OSMR: variants seen among roughly 807,000 people sequenced by gnomAD.
The protein encoded by OSMR is oncostatin M receptor, also known as oncostatin-M-specific receptor subunit beta.
OSMR carries 81 observed loss-of-function variants against 99.9 expected under a neutral mutation model. The observed-to-expected ratio is 0.81, with a 90% confidence interval of 0.68 to 0.97. OSMR has a LOEUF of 0.97. Among genes scored for constraint, OSMR ranks in the 50% least tolerant of loss-of-function variants. OSMR has a pLI of 0.00. For missense variants in OSMR, 1,099 were observed against 1,153.4 expected (o/e 0.95, Z 0.68); for synonymous variants, 406 against 410.4 (o/e 0.99, Z 0.13).
In OSMR at chr5:38,933,342, A is replaced by C; in HGVS notation, c.2838A>C (p.Lys946Asn). ...PVEAPHCSEY[K>N]MQMAVSLRLA... Reference sequence around the variant, plus strand: ...AGGCACCACACTGTTCAGAGTATAAAATGCAAATGGCAGTCTCCCTGCGTC... The same window carrying C: ...AGGCACCACACTGTTCAGAGTATAACATGCAAATGGCAGTCTCCCTGCGTC... Residue 946 changes from lysine to asparagine, a missense_variant, in exon 18 of 18, where the codon AAA becomes AAC. Lys to Asn is a moderately conservative substitution (Grantham distance 94, BLOSUM62 0). Transcript: ENST00000274276. 1.2e-6 allele frequency: 2 copies of C among 1,614,120 alleles called. No homozygotes were observed. Among genetic ancestry groups the C allele is most frequent in the Non-Finnish European group, 1.7e-6 (2 of 1,180,002 alleles).
At chr5:38,857,678 T>A (rs1175230523) in intron 1 of OSMR, among the ~76,000 whole-genome samples, 1 of 152,160 alleles carries the variant, frequency 6.6e-6, no homozygotes, top group Non-Finnish European at 1.5e-5. Flanking sequence ...TATTTTTATT[T>A]TTTTCTTGAG....
In OSMR at chr5:38,933,519, G is replaced by C; in HGVS notation, c.*75G>C. The C allele has an allele frequency of 6.5e-7, 1 of 1,532,868 alleles. No homozygotes were observed. The highest frequency in any genetic ancestry group is 1.1e-5 in the South Asian group (1 of 89,126). The allele number at this position is 1,532,868 out of a possible 1,614,324, so 95.0% of individuals were successfully genotyped here. ...GAGCTGGCACCCTGTCATCACCAGTGGCCTTGGTCCTTAATCCCAGTACGA... is the reference window on the plus strand; with the variant it reads ...GAGCTGGCACCCTGTCATCACCAGTCGCCTTGGTCCTTAATCCCAGTACGA... On this transcript the variant is annotated 3_prime_UTR_variant, in exon 18 of 18. Transcript: ENST00000274276.
In OSMR at chr5:38,896,248, A is replaced by G. The variant is rs148150142; in HGVS notation, c.992-7634A>G. ...GTAGATTGCTTTGAGTAGAATGGAC[A>G]TTTTAACAATATTGATTCTTCCCAT... On this transcript the variant is annotated intron_variant, in intron 7 of 17. Transcript: ENST00000274276. Among the ~76,000 whole-genome samples the G allele has an allele frequency of 4.3e-3, 647 of 152,194 alleles. 5 individuals are homozygous for G. Among genetic ancestry groups the G allele is most frequent in the African/African-American group, 0.015 (606 of 41,548 alleles).
intron 9 of OSMR, among the ~76,000 whole-genome samples, chr5:38,904,953 C>T (rs936575808): frequency 3.3e-5 from 5 of 152,188 alleles, no homozygotes; most frequent in African/African-American, 1.2e-4. Flanking sequence ...TGATGCCACA[C>T]TGTGTGCCCT....
intron 9 of OSMR, among the ~76,000 whole-genome samples, chr5:38,907,894 A>G (rs893887583): frequency 1.2e-4 from 19 of 152,254 alleles, no homozygotes; most frequent in Admixed American, 8.5e-4. Flanking sequence ...CACATATCCC[A>G]CTGCTGCTGT....
intron 7 of OSMR, among the ~76,000 whole-genome samples, chr5:38,896,958 A>T (rs191527070): frequency 1.6e-3 from 248 of 152,038 alleles, no homozygotes; most frequent in African/African-American, 5.7e-3. Flanking sequence ...ACATTTATTG[A>T]TTTGCATATG....
chr5:38,879,302 A>C (rs1485121128), intron 3 of OSMR, among the ~76,000 whole-genome samples: 1 of 152,242 alleles, frequency 6.6e-6, no homozygotes, highest in African/African-American at 2.4e-5. Flanking sequence ...ACAGGCCTAG[A>C]TGCACAGGAC....
At position 38,871,928 on chromosome 5, in the gene OSMR, C is replaced by T. The variant is rs771147731; in HGVS notation, c.73+2811C>T. Among the ~76,000 whole-genome samples the T allele has an allele frequency of 7.1e-4, 108 of 152,100 alleles. No homozygotes were observed. In the Middle Eastern group the frequency reaches 0.014, roughly 19 times the overall value. On this transcript the variant is annotated intron_variant, in intron 2 of 17. Coordinates refer to ENST00000274276, the MANE Select transcript of OSMR (RefSeq NM_003999.3). The stretch of plus-strand genomic sequence containing the variant: ...GTAGTGTTGTGGATGGTCAGAGAAA[C>T]AGGGTGGGGAAAGTGGGAGGAGAGT...
At chr5:38,857,187 A>C (rs1161673989) in intron 1 of OSMR, among the ~76,000 whole-genome samples, 2 of 152,220 alleles carry the variant, frequency 1.3e-5, no homozygotes, top group African/African-American at 4.8e-5. Context: ...AAATTTTAGA[A>C]ACATTTTAAG....
intron 9 of OSMR, among the ~76,000 whole-genome samples, chr5:38,910,043 C>T (rs755924881): frequency 1.1e-4 from 16 of 152,148 alleles, no homozygotes; most frequent in Non-Finnish European, 2.1e-4. Context: ...ATCTACCAAC[C>T]AAACAAAACA....
At chr5:38,925,502 T>G in intron 15 of OSMR, 131 bp downstream of exon 15, 1 of 786,850 alleles carries the variant, frequency 1.3e-6, no homozygotes, top group African/African-American at 1.7e-5. Context: ...CACCTCCCTC[T>G]TTCTCTTGAT....
intron 12 of OSMR, 189 bp from the exon 13 acceptor site, chr5:38,922,961 A>G (rs1746303436): frequency 5.7e-6 from 1 of 175,558 alleles, no homozygotes; most frequent in South Asian, 1.9e-4. Flanking sequence ...TTTTTAGTAG[A>G]GAGAGGATTT....
chr5:38,849,466 T>TC (rs1227972660), intron 1 of OSMR, among the ~76,000 whole-genome samples: 1 of 86,876 alleles, frequency 1.2e-5, no homozygotes, highest in Admixed American at 1.2e-4. Context: ...ATCTTTTTTT[T>TC]TGTTTGTTTT....
intron 6 of OSMR, 31 bp from the exon 7 acceptor site, chr5:38,886,008 A>G (rs1269547685): frequency 1.2e-6 from 2 of 1,611,068 alleles, no homozygotes; most frequent in Non-Finnish European, 1.7e-6. Context: ...AAACCTCGTA[A>G]TGGTTGTGTT....
chr5:38,930,920 T>TTGTGTG (rs55964556), intron 15 of OSMR, among the ~76,000 whole-genome samples: 9,578 of 141,812 alleles, frequency 0.068, 384 homozygotes, highest in Non-Finnish European at 0.092. Context: ...CAGAAGCATT[T>TTGTGTG]TGTGTGTGTG....
At chr5:38,868,238 C>T (rs1742092895) in intron 1 of OSMR, among the ~76,000 whole-genome samples, 1 of 152,168 alleles carries the variant, frequency 6.6e-6, no homozygotes, top group South Asian at 2.1e-4. Flanking sequence ...TGCTCTTTCA[C>T]CTGGGGTCAG....
intron 7 of OSMR, among the ~76,000 whole-genome samples, chr5:38,888,168 A>T (rs1183253898): frequency 6.6e-6 from 1 of 152,172 alleles, no homozygotes; most frequent in Non-Finnish European, 1.5e-5. Flanking sequence ...TCTGATTTGC[A>T]TAGGGCTGAG....
At chr5:38,936,512 A>G (rs1005320641), downstream of OSMR, among the ~76,000 whole-genome samples, 2 of 152,158 alleles carry the variant, frequency 1.3e-5, no homozygotes, top group African/African-American at 4.8e-5. Context: ...ACCTCTTCAC[A>G]CAACAGTACG....
chr5:38,921,153 T>G (rs1251180191), intron 11 of OSMR, among the ~76,000 whole-genome samples: 1 of 152,118 alleles, frequency 6.6e-6, no homozygotes, highest in African/African-American at 2.4e-5. Context: ...ATCAAAAAAT[T>G]TTGTGGTAAA....
Sources: allele counts gnomAD v4.1 joint callset (sites outside exome capture counted in the v4.1 genomes callset), GRCh38; gene constraint gnomAD v4.1.1; transcripts MANE v1.5; gene names NCBI Gene and HGNC (gene_info 2026-07-23, HGNC 2026-07-21).